DLEU7: variants seen among roughly 807,000 people sequenced by gnomAD.
DLEU7 encodes the protein leukemia-associated protein 7.
Under a neutral mutation model 16.0 loss-of-function variants are expected in DLEU7, and 17 were observed. The ratio of observed to expected loss-of-function variants is 1.06; its 90% CI spans 0.73 to 1.59. DLEU7 has a LOEUF of 1.59. Ranked by LOEUF, DLEU7 falls within the 40% of genes most tolerant of loss-of-function variation. DLEU7 has a pLI of 0.00. For missense variants in DLEU7, 308 were observed against 314.9 expected (o/e 0.98, Z 0.17); for synonymous variants, 113 against 139.8 (o/e 0.81, Z 1.35).
At chr13:50,804,311 ACTGT>A (rs1437778280) in intron 1 of DLEU7, among the ~76,000 whole-genome samples, 1 of 151,784 alleles carries the variant, frequency 6.6e-6, no homozygotes, top group Non-Finnish European at 1.5e-5. Context: ...AGAATTGAAA[ACTGT>A]CTGATACTGA....
chr13:50,713,347 T>C, intron 1 of DLEU7: 1 of 1,370,742 alleles, frequency 7.3e-7, no homozygotes, highest in South Asian at 1.3e-5. Context: ...GGAATGGCAT[T>C]AGGTACTGGA....
At chr13:50,722,890 T>C (rs541838372) in intron 1 of DLEU7, among the ~76,000 whole-genome samples, 1 of 152,338 alleles carries the variant, frequency 6.6e-6, no homozygotes, top group South Asian at 2.1e-4. Context: ...AAAACTATAG[T>C]ACAACCTGGC....
Position 50,843,491 on chromosome 13 carries a change from A to G in DLEU7, c.156T>C (p.Arg52=). Residue 52 remains arginine, a synonymous_variant, in exon 1 of 2, where the codon CGT becomes CGC. Coordinates refer to ENST00000504404, the MANE Select transcript of DLEU7 (RefSeq NM_001306135.2). The surrounding 1 kb of genome is among the most constrained non-coding windows in gnomAD (Gnocchi z 5.7). ...DPDHVSTAPA[R]RSGPPRARPG... Reference sequence around the variant, plus strand: ...GCCGGGCCCGCGGCGGGCCTGAGCGACGGGCTGGAGCGGTGGACACGTGGT... The same window carrying G: ...GCCGGGCCCGCGGCGGGCCTGAGCGGCGGGCTGGAGCGGTGGACACGTGGT... The G allele has an allele frequency of 2.9e-6, 4 of 1,358,778 alleles. No homozygotes were observed. Among genetic ancestry groups the G allele is most frequent in the Non-Finnish European group, 3.8e-6 (4 of 1,063,890 alleles). The allele number at this position is 1,358,778 out of a possible 1,614,324, so 84.2% of individuals were successfully genotyped here.
chr13:50,794,762 TG>T lies in DLEU7; in HGVS notation c.459+48425del, dbSNP rs1306490062. On this transcript the variant is annotated intron_variant, in intron 1 of 1. Coordinates refer to the DLEU7 transcript ENST00000400393. ...TTAACTGAGGCTCAAATGATTAATT[TG>T]CTGAAGTTCACAATCAATGTTAAAT... Among the ~76,000 whole-genome samples, 6 of 152,310 alleles carry T rather than the reference TG, an allele frequency of 3.9e-5. No individual in the cohort carries two copies. In the East Asian group the frequency reaches 1.2e-3, roughly 29 times the overall value.
intron 1 of DLEU7, among the ~76,000 whole-genome samples, chr13:50,724,331 C>T (rs1566229736): frequency 6.6e-6 from 1 of 152,050 alleles, no homozygotes; most frequent in Non-Finnish European, 1.5e-5. Context: ...TATAAAATTA[C>T]TTTTTTCTTT....
At chr13:50,764,855 A>G (rs1007148983) in intron 1 of DLEU7, among the ~76,000 whole-genome samples, 2 of 149,606 alleles carry the variant, frequency 1.3e-5, no homozygotes, top group Non-Finnish European at 2.9e-5. Flanking sequence ...TAAATGGGTC[A>G]TGTTGCACCT....
chr13:50,843,807 T>C, upstream of DLEU7: 1 of 984,738 alleles, frequency 1.0e-6, no homozygotes, highest in Non-Finnish European at 1.4e-6. This position sits in a 1 kb window ranked among gnomAD's most constrained non-coding sequence, Gnocchi z 5.7. Context: ...TCTGAATCGG[T>C]GACCCGTGCT....
intron 1 of DLEU7, among the ~76,000 whole-genome samples, chr13:50,776,189 C>T (rs1027449603): frequency 2.6e-5 from 4 of 152,202 alleles, no homozygotes; most frequent in African/African-American, 7.2e-5. Flanking sequence ...TTGACTTCTA[C>T]TCTTGGTAGA....
At chr13:50,843,739 A>C (rs931943843), upstream of DLEU7, 2 of 1,430,564 alleles carry the variant, frequency 1.4e-6, no homozygotes, top group Non-Finnish European at 1.8e-6. This position sits in a 1 kb window ranked among gnomAD's most constrained non-coding sequence, Gnocchi z 5.7. Context: ...ACATTTTCTA[A>C]CCCGCGGCTC....
intron 1 of DLEU7, among the ~76,000 whole-genome samples, chr13:50,800,396 G>A (rs555620119): frequency 6.6e-6 from 1 of 152,192 alleles, no homozygotes; most frequent in Non-Finnish European, 1.5e-5. Context: ...TTCCCCTTCA[G>A]TTTCAAAAAA....
intron 1 of DLEU7, among the ~76,000 whole-genome samples, chr13:50,752,891 T>G (rs1265655274): frequency 1.3e-5 from 2 of 152,102 alleles, no homozygotes; most frequent in Non-Finnish European, 2.9e-5. Flanking sequence ...GCTTTTATTC[T>G]CTTATCTGGC....
chr13:50,722,085 C>A (rs574454016), intron 1 of DLEU7, among the ~76,000 whole-genome samples: 1 of 152,168 alleles, frequency 6.6e-6, no homozygotes, highest in African/African-American at 2.4e-5. Context: ...AGAATGGCCC[C>A]GTTTCTTCAC....
At chr13:50,831,678 C>T (rs1367674124) in intron 1 of DLEU7, among the ~76,000 whole-genome samples, 1 of 152,190 alleles carries the variant, frequency 6.6e-6, no homozygotes, top group Non-Finnish European at 1.5e-5. Flanking sequence ...CAGCACCAGA[C>T]TGCAAGCTTG....
chr13:50,808,945 A>G (rs1213582974), intron 1 of DLEU7, among the ~76,000 whole-genome samples: 1 of 152,106 alleles, frequency 6.6e-6, no homozygotes, highest in Non-Finnish European at 1.5e-5. Context: ...AGAAACAACT[A>G]TGGTGTCCTG....
chr13:50,781,112 C>T (rs1392881736), intron 1 of DLEU7, among the ~76,000 whole-genome samples: 1 of 152,144 alleles, frequency 6.6e-6, no homozygotes, highest in Non-Finnish European at 1.5e-5. Flanking sequence ...TTTTCTAAAT[C>T]AAGTTGGTAA....
At chr13:50,798,677 T>G (rs1440839502) in intron 1 of DLEU7, among the ~76,000 whole-genome samples, 2 of 152,240 alleles carry the variant, frequency 1.3e-5, no homozygotes, top group African/African-American at 4.8e-5. Context: ...AGAAACTCTC[T>G]GAGGCTGTCC....
intron 1 of DLEU7, among the ~76,000 whole-genome samples, chr13:50,746,254 C>T (rs562856698): frequency 2.0e-4 from 30 of 152,286 alleles, no homozygotes; most frequent in African/African-American, 6.5e-4. Flanking sequence ...TTTTTTACAA[C>T]CTAATTTCAT....
At position 50,843,154 on chromosome 13, in the gene DLEU7, G is replaced by A. The variant is rs550727178; in HGVS notation, c.459+34C>T. The A allele has an allele frequency of 6.4e-7, 1 of 1,564,790 alleles. No homozygotes were observed. Among genetic ancestry groups the A allele is most frequent in the Non-Finnish European group, 8.6e-7 (1 of 1,156,946 alleles). ...CCCTTGGAGGATGGGAGGTTACCCT[G>A]CACGCCAGAGGGGATGGCGGGGGCC... On this transcript the variant is annotated intron_variant, in intron 1 of 1. Coordinates refer to ENST00000504404, the MANE Select transcript of DLEU7 (RefSeq NM_001306135.2). The surrounding 1 kb of genome is among the most constrained non-coding windows in gnomAD (Gnocchi z 5.7).
chr13:50,716,058 ATTTG>A (rs1238900970), intron 1 of DLEU7, among the ~76,000 whole-genome samples: 1 of 152,248 alleles, frequency 6.6e-6, no homozygotes, highest in Non-Finnish European at 1.5e-5. Context: ...AACACAAAGT[ATTTG>A]TTAGTAACTG....
Sources: gnomAD v4.1 joint callset for allele counts (sites outside exome capture counted in the v4.1 genomes callset) on GRCh38, gnomAD v4.1.1 for gene constraint, Gnocchi (gnomAD v3.1) non-coding constraint, MANE v1.5 for transcripts, NCBI Gene and HGNC (gene_info 2026-07-23, HGNC 2026-07-21) for gene names.